Variants in UNC5D observed in about 807,000 individuals in gnomAD.
The protein encoded by UNC5D is netrin receptor UNC5D.
A neutral mutation model predicts 105.4 loss-of-function variants in UNC5D; 39 were observed. The ratio of observed to expected loss-of-function variants is 0.37; its 90% CI spans 0.29 to 0.48. The LOEUF is 0.48. Ranked by LOEUF, UNC5D falls within the 20% of genes least tolerant of loss-of-function variation. UNC5D has a pLI of 0.98. For synonymous variants in UNC5D, 452 were observed against 450.4 expected, an observed-to-expected ratio of 1.00 and a Z score of -0.04; for missense variants, 991 against 1,202.4, an observed-to-expected ratio of 0.82 and a Z score of 2.60.
chr8:35,709,206 T>C (rs1331466708), intron 8 of UNC5D, among the ~76,000 whole-genome samples: 1 of 152,114 alleles, frequency 6.6e-6, no homozygotes, highest in Non-Finnish European at 1.5e-5. Context: ...GAATCAACAC[T>C]GAGCAAAACA....
At chr8:35,264,409 A>G (rs928814599) in intron 1 of UNC5D, among the ~76,000 whole-genome samples, 10 of 151,946 alleles carry the variant, frequency 6.6e-5, no homozygotes, top group Admixed American at 5.2e-4. Flanking sequence ...TGGCTGCACC[A>G]AGCTTTGGCC....
intron 2 of UNC5D, among the ~76,000 whole-genome samples, chr8:35,551,695 GTAGTCCCAGC>G (rs1816154858): frequency 6.6e-6 from 1 of 152,038 alleles, no homozygotes. Flanking sequence ...ACGGGTGCCT[GTAGTCCCAGC>G]TACCCAGGAG....
intron 4 of UNC5D, among the ~76,000 whole-genome samples, chr8:35,622,719 T>G (rs1255418835): frequency 2.6e-5 from 4 of 152,210 alleles, no homozygotes; most frequent in African/African-American, 9.7e-5. Context: ...TCCATTCACG[T>G]GTGGAAAAAT....
intron 1 of UNC5D, among the ~76,000 whole-genome samples, chr8:35,475,101 G>A (rs1809993350): frequency 6.6e-6 from 1 of 152,114 alleles, no homozygotes; most frequent in African/African-American, 2.4e-5. Context: ...CAGGGATAAG[G>A]GAAAGAGTGT....
chr8:35,563,927 T>C (rs1360694568), intron 2 of UNC5D, among the ~76,000 whole-genome samples: 1 of 152,184 alleles, frequency 6.6e-6, no homozygotes, highest in Non-Finnish European at 1.5e-5. Context: ...TTGATTTGCA[T>C]ATGTTGAAGT....
chr8:35,729,404 G>A (rs1459333444), intron 10 of UNC5D, among the ~76,000 whole-genome samples: 11 of 152,088 alleles, frequency 7.2e-5, no homozygotes, highest in Non-Finnish European at 1.5e-4. Flanking sequence ...CCTGCTACAC[G>A]AGTGGCATTG....
At chr8:35,243,485 T>C (rs1037319267) in intron 1 of UNC5D, among the ~76,000 whole-genome samples, 1 of 152,144 alleles carries the variant, frequency 6.6e-6, no homozygotes, top group Non-Finnish European at 1.5e-5. Context: ...CACCCAGAAT[T>C]TTACCAGTTT....
At chr8:35,436,122 A>G (rs1359760190) in intron 1 of UNC5D, among the ~76,000 whole-genome samples, 1 of 152,094 alleles carries the variant, frequency 6.6e-6, no homozygotes, top group Admixed American at 6.6e-5. Flanking sequence ...TTCAATAATT[A>G]AGTTATAACT....
chr8:35,654,561 A>G (rs1823618903), intron 4 of UNC5D, among the ~76,000 whole-genome samples: 1 of 152,152 alleles, frequency 6.6e-6, no homozygotes, highest in African/African-American at 2.4e-5. Context: ...TCACTCCTTG[A>G]GAAGACTGGC....
At chr8:35,563,819 T>C (rs996758602) in intron 2 of UNC5D, among the ~76,000 whole-genome samples, 10 of 152,180 alleles carry the variant, frequency 6.6e-5, no homozygotes. Context: ...GTTTTTATTA[T>C]GAAGGGATGT....
At chr8:35,659,169 A>G (rs1226913417) in intron 4 of UNC5D, among the ~76,000 whole-genome samples, 2 of 152,092 alleles carry the variant, frequency 1.3e-5, no homozygotes, top group African/African-American at 2.4e-5. Flanking sequence ...GTAGAAGCTG[A>G]TTTATGAATT....
At chr8:35,268,538 A>T (rs1481129263) in intron 1 of UNC5D, among the ~76,000 whole-genome samples, 1 of 152,206 alleles carries the variant, frequency 6.6e-6, no homozygotes, top group South Asian at 2.1e-4. Flanking sequence ...GGCTAGGGTT[A>T]TTAATAACTA....
At chr8:35,767,222 C>T (rs1387173482) in intron 15 of UNC5D, among the ~76,000 whole-genome samples, 156 bp downstream of exon 15, 4 of 152,168 alleles carry the variant, frequency 2.6e-5, no homozygotes, top group East Asian at 1.9e-4. Flanking sequence ...TAAGCTTTGT[C>T]GCATGCCGAG....
chr8:35,747,309 A>G (rs1286150686), intron 11 of UNC5D, among the ~76,000 whole-genome samples: 1 of 152,236 alleles, frequency 6.6e-6, no homozygotes, highest in South Asian at 2.1e-4. Flanking sequence ...AGGAGTTGTC[A>G]ACATAAGCAA....
At chr8:35,440,801 G>A (rs926437566) in intron 1 of UNC5D, among the ~76,000 whole-genome samples, 12 of 151,920 alleles carry the variant, frequency 7.9e-5, no homozygotes, top group African/African-American at 2.7e-4. Flanking sequence ...ATCAGTGTAT[G>A]TTCATTGATT....
intron 11 of UNC5D, among the ~76,000 whole-genome samples, chr8:35,742,488 TA>T (rs1193522315): frequency 6.6e-6 from 1 of 152,122 alleles, no homozygotes; most frequent in Admixed American, 6.5e-5. Flanking sequence ...TCTGACATAG[TA>T]AAACTATCAT....
chr8:35,453,930 A>G (rs1325905841), intron 1 of UNC5D, among the ~76,000 whole-genome samples: 2 of 151,764 alleles, frequency 1.3e-5, no homozygotes, highest in Non-Finnish European at 2.9e-5. Context: ...CCTCTCCCCT[A>G]CCCCCTGCTA....
intron 1 of UNC5D, among the ~76,000 whole-genome samples, chr8:35,403,673 A>T (rs192338097): frequency 2.0e-5 from 3 of 152,272 alleles, no homozygotes; most frequent in African/African-American, 7.2e-5. Flanking sequence ...CAGATTTGGG[A>T]GCATTTTGGA....
At chr8:35,250,849 C>T (rs1467265582) in intron 1 of UNC5D, among the ~76,000 whole-genome samples, 1 of 152,072 alleles carries the variant, frequency 6.6e-6, no homozygotes. Context: ...TCCCCAGTGT[C>T]TCTTGCCGCC....
Sources: allele counts gnomAD v4.1 joint callset (sites outside exome capture counted in the v4.1 genomes callset), GRCh38; gene constraint gnomAD v4.1.1; transcripts MANE v1.5; gene names NCBI Gene and HGNC (gene_info 2026-07-23, HGNC 2026-07-21).